Variants in RAG1 observed in about 807,000 individuals in gnomAD.
RAG1 encodes the protein recombination activating 1.
In RAG1, 35 loss-of-function variants were observed where a neutral mutation model predicts 62.7. The ratio of observed to expected loss-of-function variants is 0.56; its 90% CI spans 0.43 to 0.74. The LOEUF (loss-of-function observed/expected upper bound fraction) is 0.74, where lower values mean the gene tolerates loss of function less well. Ranked by LOEUF, RAG1 falls within the 30% of genes least tolerant of loss-of-function variation. The pLI is 0.00. For synonymous variants in RAG1, 461 were observed against 470.3 expected (o/e 0.98, Z 0.26); for missense variants, 1,169 against 1,278.6 (o/e 0.91, Z 1.31).
chr11:36,547,989 G>A (rs773991464), intron 3 of RAG1, among the ~76,000 whole-genome samples: 19 of 152,168 alleles, frequency 1.2e-4, no homozygotes, highest in Middle Eastern at 3.4e-3. Context: ...ATCAATAAAC[G>A]TAATCCCTCA....
chr11:36,511,989 T>C lies in RAG1; in HGVS notation n.330+951T>C, dbSNP rs183354754. 9.2e-5 allele frequency among the ~76,000 whole-genome samples: 14 copies of C among 152,358 alleles called. No individual in the cohort carries two copies. In the East Asian group the frequency reaches 2.5e-3, roughly 27 times the overall value. On this transcript the variant is annotated intron_variant and non_coding_transcript_variant, in intron 1 of 2. Transcript: ENST00000529126. The stretch of plus-strand genomic sequence containing the variant: ...TGTGAGAGACTCCAGCACCAGGCTT[T>C]CAAAAAGATTAGGTGTTCTGTGTAT...
chr11:36,531,215 CTTA>C (rs1860249209), intron 2 of RAG1, among the ~76,000 whole-genome samples: 1 of 151,680 alleles, frequency 6.6e-6, no homozygotes, highest in Admixed American at 6.6e-5. Flanking sequence ...TCAACCTGTC[CTTA>C]TTATTATATT....
chr11:36,535,368 G>A (rs1860311569), intron 2 of RAG1, among the ~76,000 whole-genome samples: 1 of 152,158 alleles, frequency 6.6e-6, no homozygotes. Flanking sequence ...CCTGAAAGAA[G>A]TTGTCAGCAT....
upstream of RAG1, chr11:36,563,527 C>G (rs928758031): frequency 1.3e-5 from 2 of 152,316 alleles, no homozygotes; most frequent in Non-Finnish European, 1.5e-5. Flanking sequence ...AATAATCTCT[C>G]TCTCTCATAG....
chr11:36,534,589 A>G (rs1219818253), intron 2 of RAG1, among the ~76,000 whole-genome samples: 3 of 152,208 alleles, frequency 2.0e-5, no homozygotes, highest in Non-Finnish European at 2.9e-5. Context: ...TGACCAAAGC[A>G]TGTCAGAAGG....
intron 2 of RAG1, among the ~76,000 whole-genome samples, chr11:36,532,227 A>C (rs1415857995): frequency 1.3e-5 from 2 of 152,114 alleles, no homozygotes; most frequent in African/African-American, 4.8e-5. Flanking sequence ...TATTTTTAAT[A>C]TTCTAAACTA....
upstream of RAG1, chr11:36,563,550 C>G (rs935229982): frequency 6.6e-6 from 1 of 152,040 alleles, no homozygotes; most frequent in Non-Finnish European, 1.5e-5. Flanking sequence ...GATTTTTTTA[C>G]AAAAATAATC....
rs778306218 is a variant in RAG1, at chr11:36,573,862, G to A, written c.558G>A (p.Lys186=). ...CHNCWSIMHR[K]FSSAPCEVYF... is the part of the protein sequence containing the mutation. ...ACTGCTGGAGCATCATGCACAGGAA[G>A]TTTAGCAGTGCCCCATGTGAGGTTT... Residue 186 remains lysine (K), a synonymous_variant, in exon 2 of 2, where the codon AAG becomes AAA. Transcript: ENST00000299440. 9.9e-6 allele frequency: 16 copies of A among 1,614,170 alleles called. No homozygotes were observed. The highest frequency in any genetic ancestry group is 1.4e-5 in the Non-Finnish European group (16 of 1,180,034).
Position 36,568,061 on chromosome 11 carries a change from T to G in RAG1, c.-76T>G, listed in dbSNP as rs1351455738. 6.6e-6 allele frequency: 1 copy of G among 152,238 alleles called. No homozygotes were observed. Among genetic ancestry groups the G allele is most frequent in the African/African-American group, 2.4e-5 (1 of 41,464 alleles). The allele number at this position is 152,238 out of a possible 1,614,324, so 9.4% of individuals were successfully genotyped here. A position where few individuals can be genotyped will look rare whatever the true frequency, so the allele number is the denominator to read the frequency against. ...ACACACTTTGCCTTCTCTTTGGTAT[T>G]GAGTAATATCAACCAAATTGCAGAC... On this transcript the variant is annotated 5_prime_UTR_variant, in exon 1 of 2. It adds an upstream start codon to the 5' untranslated region. Transcript: ENST00000299440.
chr11:36,512,487 G>A (rs1937561244), intron 1 of RAG1, among the ~76,000 whole-genome samples: 1 of 152,164 alleles, frequency 6.6e-6, no homozygotes, highest in African/African-American at 2.4e-5. Context: ...ATTCTTTCCT[G>A]ATACTCGAAA....
chr11:36,529,324 C>T (rs1009868231), intron 2 of RAG1, among the ~76,000 whole-genome samples: 1 of 152,162 alleles, frequency 6.6e-6, no homozygotes, highest in Non-Finnish European at 1.5e-5. Flanking sequence ...CCCTGGGATG[C>T]AAGGATGGTT....
intron 1 of RAG1, among the ~76,000 whole-genome samples, chr11:36,518,784 C>G (rs557271183): frequency 6.6e-6 from 1 of 152,124 alleles, no homozygotes; most frequent in Admixed American, 6.5e-5. Flanking sequence ...TTCTCCCATT[C>G]TATAGGTTGC....
At chr11:36,539,674 C>G (rs553347024), downstream of RAG1, among the ~76,000 whole-genome samples, 1 of 152,238 alleles carries the variant, frequency 6.6e-6, no homozygotes, top group African/African-American at 2.4e-5. Context: ...GACAGGGTTT[C>G]ACTACATTGG....
chr11:36,569,406 A>ATT (rs1850706927), intron 1 of RAG1, among the ~76,000 whole-genome samples: 10 of 152,236 alleles, frequency 6.6e-5, no homozygotes, highest in Non-Finnish European at 1.5e-4. Context: ...GAGGAGATCA[A>ATT]GCATTTGCAA....
At chr11:36,564,735 T>A (rs746449984), upstream of RAG1, among the ~76,000 whole-genome samples, 1 of 152,108 alleles carries the variant, frequency 6.6e-6, no homozygotes, top group South Asian at 2.1e-4. Context: ...ACAGAGAAAG[T>A]GGGGGAGAAA....
intron 3 of RAG1, among the ~76,000 whole-genome samples, chr11:36,544,865 G>A (rs1476946754): frequency 2.0e-5 from 3 of 152,048 alleles, no homozygotes; most frequent in Non-Finnish European, 2.9e-5. Context: ...ATCCCCCCTC[G>A]TTCTCTCTTT....
rs2133297996 is a variant in RAG1 at position 36,575,995 on chromosome 11, A to G, written c.2691A>G (p.Arg897=). The G allele has an allele frequency of 6.2e-7, 1 of 1,614,204 alleles. No homozygotes were observed. Among genetic ancestry groups the G allele is most frequent in the Non-Finnish European group, 8.5e-7 (1 of 1,180,042 alleles). The change falls in exon 2 of 2, where the codon CGA becomes CGG. Residue 897 remains arginine (R), a synonymous_variant. Transcript: ENST00000299440. This position sits in a 1 kb window ranked among gnomAD's most constrained non-coding sequence, Gnocchi z 4.1. ...ACCTGAAGATGAAACCAGTATGGCG[A>G]TCATCATGCCCTGCTAAAGAGTGCC... The part of the protein sequence containing the change: ...DLYLKMKPVW[R]SSCPAKECPE...
chr11:36,566,420 T>C (rs902002439), upstream of RAG1: 1 of 152,206 alleles, frequency 6.6e-6, no homozygotes, highest in African/African-American at 2.4e-5. Context: ...TACTGTGGGA[T>C]ATTATTATTT....
chr11:36,549,830 G>A (rs1389186110), intron 3 of RAG1, among the ~76,000 whole-genome samples: 1 of 152,156 alleles, frequency 6.6e-6, no homozygotes, highest in Non-Finnish European at 1.5e-5. Context: ...GTTTATTGCA[G>A]CACTGTACAC....
Sources: allele counts gnomAD v4.1 joint callset (sites outside exome capture counted in the v4.1 genomes callset), GRCh38; gene constraint gnomAD v4.1.1; non-coding constraint Gnocchi (gnomAD v3.1); transcripts MANE v1.5; gene names NCBI Gene and HGNC (gene_info 2026-07-23, HGNC 2026-07-21).